MYO16: variants seen among roughly 807,000 people sequenced by gnomAD.
MYO16 encodes unconventional myosin-XVI.
MYO16 carries 94 observed loss-of-function variants against 205.3 expected under a neutral mutation model. The ratio of observed to expected loss-of-function variants is 0.46; its 90% confidence interval spans 0.39 to 0.54. The LOEUF (loss-of-function observed/expected upper bound fraction) is 0.54. Ranked by LOEUF, MYO16 falls within the 20% of genes least tolerant of loss-of-function variation. The pLI, the probability that MYO16 is intolerant of heterozygous loss-of-function variation, is 0.00. For synonymous variants in MYO16, 988 were observed against 954.0 expected (o/e 1.04, Z -0.66); for missense variants, 2,315 against 2,387.5 (o/e 0.97, Z 0.63).
intron 27 of MYO16, among the ~76,000 whole-genome samples, chr13:109,089,143 A>G (rs1241689671): frequency 2.0e-5 from 3 of 152,132 alleles, no homozygotes; most frequent in Non-Finnish European, 1.5e-5. Context: ...AAGCAATCAT[A>G]GAATTTAAGA....
At chr13:108,976,609 A>G (rs1164630668) in intron 20 of MYO16, among the ~76,000 whole-genome samples, 1 of 152,198 alleles carries the variant, frequency 6.6e-6, no homozygotes, top group Admixed American at 6.5e-5. Context: ...TATAAAATAC[A>G]TTTTATGCAT....
At chr13:108,799,007 C>T (rs1227547691) in intron 6 of MYO16, among the ~76,000 whole-genome samples, 5 of 152,142 alleles carry the variant, frequency 3.3e-5, no homozygotes, top group African/African-American at 1.2e-4. Context: ...GCCCGGCCCC[C>T]GAGGCTTATT....
chr13:108,644,930 G>A (rs1880685415), intron 1 of MYO16, among the ~76,000 whole-genome samples: 1 of 152,182 alleles, frequency 6.6e-6, no homozygotes, highest in Admixed American at 6.5e-5. Flanking sequence ...GTATAAGTAG[G>A]ATAATACCAG....
Position 108,857,174 on chromosome 13 carries a change from C to T in MYO16, c.1359+1621C>T, listed in dbSNP as rs534362022. Among the ~76,000 whole-genome samples, 6 of 152,264 alleles carry T rather than the reference C, an allele frequency of 3.9e-5. No individual in the cohort carries two copies. The East Asian group carries it at 1.2e-3, about 29-fold the overall frequency. ...CTTTATAAACTCCCACTCAAATAAT[C>T]CCACTCTTTAAGTAAACCTTCCCAG... is the stretch of plus-strand genomic sequence containing the variant. On this transcript the variant is annotated intron_variant, in intron 11 of 34. Coordinates refer to ENST00000457511, the MANE Select transcript of MYO16 (RefSeq NM_001198950.3).
intron 17 of MYO16, 148 bp from the exon 18 acceptor site, chr13:108,961,391 G>T: frequency 1.7e-6 from 1 of 599,148 alleles, no homozygotes; most frequent in Non-Finnish European, 3.0e-6. Flanking sequence ...TAGTTTTCTT[G>T]CCATATCGAA....
chr13:109,026,348 AAAG>A (rs1356513067), intron 23 of MYO16, among the ~76,000 whole-genome samples: 4 of 152,128 alleles, frequency 2.6e-5, no homozygotes, highest in Non-Finnish European at 5.9e-5. Flanking sequence ...ATTTGAGAGA[AAAG>A]AAGGAGGCCA....
intron 4 of MYO16, among the ~76,000 whole-genome samples, chr13:108,754,393 C>T (rs1461513640): frequency 6.6e-6 from 1 of 152,038 alleles, no homozygotes; most frequent in Non-Finnish European, 1.5e-5. Flanking sequence ...TGAGCCCAGC[C>T]AATGGTAAGG....
intron 1 of MYO16, among the ~76,000 whole-genome samples, chr13:108,631,302 G>A (rs1421286223): frequency 6.6e-6 from 1 of 152,212 alleles, no homozygotes; most frequent in Non-Finnish European, 1.5e-5. Flanking sequence ...GAGCATGGGT[G>A]GAAGCACAAA....
At chr13:109,167,491 C>T (rs1566545401) in intron 33 of MYO16, among the ~76,000 whole-genome samples, 1 of 152,064 alleles carries the variant, frequency 6.6e-6, no homozygotes, top group Non-Finnish European at 1.5e-5. Context: ...GGCGTAATGG[C>T]AGGAGATGAA....
chr13:109,102,385 A>C (rs1354781029), intron 28 of MYO16, among the ~76,000 whole-genome samples: 1 of 152,146 alleles, frequency 6.6e-6, no homozygotes, highest in Non-Finnish European at 1.5e-5. Flanking sequence ...ATATAGTAGT[A>C]GTCCACGGAT....
At chr13:108,827,164 C>T (rs557383287) in intron 9 of MYO16, among the ~76,000 whole-genome samples, 302 of 152,216 alleles carry the variant, frequency 2.0e-3, no homozygotes, top group Non-Finnish European at 3.7e-3. Flanking sequence ...CCATGTATTC[C>T]GTCATCTGAA....
At chr13:108,543,440 C>T in the MYO16 span, among the ~76,000 whole-genome samples, 1 of 151,700 alleles carries the variant, frequency 6.6e-6, no homozygotes, top group Non-Finnish European at 1.5e-5. Context: ...GTTGGGAGAT[C>T]GAGACCATCC....
the MYO16 span, among the ~76,000 whole-genome samples, chr13:108,579,279 A>C: frequency 2.0e-5 from 3 of 152,180 alleles, no homozygotes; most frequent in Non-Finnish European, 4.4e-5. Flanking sequence ...TTGCCTTGCA[A>C]TAACCTCAGT....
chr13:108,836,830 C>A (rs575296823), intron 9 of MYO16, among the ~76,000 whole-genome samples: 12 of 152,272 alleles, frequency 7.9e-5, no homozygotes, highest in Admixed American at 4.6e-4. Context: ...AATGCCTGTA[C>A]CCCTAGTGTA....
chr13:108,897,908 T>G, intron 14 of MYO16, 108 bp from the exon 15 acceptor site: 5 of 901,290 alleles, frequency 5.5e-6, no homozygotes, highest in Non-Finnish European at 8.8e-6. Context: ...ATGAGCAGGA[T>G]AGAAACTTTC....
chr13:109,198,822 C>A (rs1340068347), intron 34 of MYO16, among the ~76,000 whole-genome samples: 2 of 152,090 alleles, frequency 1.3e-5, no homozygotes, highest in Non-Finnish European at 2.9e-5. Flanking sequence ...TCCCACTTTA[C>A]AGGTGATGAA....
At chr13:109,128,804 T>C (rs1876392632) in intron 31 of MYO16, among the ~76,000 whole-genome samples, 1 of 139,738 alleles carries the variant, frequency 7.2e-6, no homozygotes, top group Non-Finnish European at 1.5e-5. Flanking sequence ...GGACTTTCAC[T>C]CTTGTTGCTT....
At chr13:108,613,682 G>A (rs1190668014) in intron 1 of MYO16, among the ~76,000 whole-genome samples, 2 of 152,122 alleles carry the variant, frequency 1.3e-5, no homozygotes, top group African/African-American at 4.8e-5. Context: ...TATCCCAGGA[G>A]TATCAGGTTG....
chr13:108,532,118 A>G, the MYO16 span, among the ~76,000 whole-genome samples: 3 of 152,106 alleles, frequency 2.0e-5, no homozygotes, highest in Non-Finnish European at 2.9e-5. Context: ...AGGCAGGAGA[A>G]TCGCTTGAAC....
Sources: gnomAD v4.1 joint callset for allele counts (sites outside exome capture counted in the v4.1 genomes callset) on GRCh38, gnomAD v4.1.1 for gene constraint, MANE v1.5 for transcripts, NCBI Gene and HGNC (gene_info 2026-07-23, HGNC 2026-07-21) for gene names.